The following DCDC2 variants were observed in gnomAD, a reference collection of about 807,000 sequenced individuals.
DCDC2 encodes the protein doublecortin domain-containing protein 2.
Under a neutral mutation model 50.2 loss-of-function variants are expected in DCDC2, and 40 were observed. The ratio of observed to expected loss-of-function variants is 0.80; its 90% CI spans 0.62 to 1.04. DCDC2 has a LOEUF of 1.04. Ranked by LOEUF, DCDC2 falls within the 50% of genes least tolerant of loss-of-function variation. The pLI, the probability that DCDC2 is intolerant of heterozygous loss-of-function variation, is 0.00. For synonymous variants in DCDC2, 234 were observed against 210.6 expected (o/e 1.11, Z -0.96); for missense variants, 570 against 581.9 (o/e 0.98, Z 0.21).
chr6:24,306,543 T>TAGATAGACAGATAGAC, intron 2 of DCDC2, among the ~76,000 whole-genome samples: 1 of 115,662 alleles, frequency 8.6e-6, no homozygotes, highest in South Asian at 3.2e-4. Flanking sequence ...GATAGATAGA[T>TAGATAGACAGATAGAC]AGACAGACAG....
chr6:24,249,583 T>A (rs1188543864), intron 7 of DCDC2, among the ~76,000 whole-genome samples: 1 of 152,202 alleles, frequency 6.6e-6, no homozygotes, highest in East Asian at 1.9e-4. Context: ...CTCCTTATAC[T>A]CTTATGTGTA....
chr6:24,195,810 C>T (rs1761421798), intron 8 of DCDC2, among the ~76,000 whole-genome samples: 1 of 152,186 alleles, frequency 6.6e-6, no homozygotes, highest in Non-Finnish European at 1.5e-5. Flanking sequence ...ATTCACTATA[C>T]AAACATACCT....
intron 2 of DCDC2, among the ~76,000 whole-genome samples, chr6:24,320,066 A>G (rs2113851086): frequency 6.6e-6 from 1 of 152,342 alleles, no homozygotes; most frequent in African/African-American, 2.4e-5. Flanking sequence ...TCTAACGACA[A>G]AAAGCTGTAC....
intron 7 of DCDC2, among the ~76,000 whole-genome samples, chr6:24,209,306 C>T (rs1350635022): frequency 6.6e-6 from 1 of 152,166 alleles, no homozygotes; most frequent in Non-Finnish European, 1.5e-5. Context: ...CTAATTTAAA[C>T]TTGCACAGTA....
rs575368519 is a variant in DCDC2, at chr6:24,179,049, A to G, written c.1024-417T>C. Among the ~76,000 whole-genome samples the G allele has an allele frequency of 5.9e-5, 9 of 152,248 alleles. No homozygotes were observed. In the East Asian group the frequency reaches 1.5e-3, roughly 26 times the overall value. ...CTGGCCCAGAGGAAGAGGTTTAAAA[A>G]AAAAAAGTCTTTGTGGAAAGATTGT... On this transcript the variant is annotated intron_variant, in intron 8 of 9. Transcript: ENST00000378454.
In DCDC2 at chr6:24,295,789, G is replaced by A. The variant is rs114909195; in HGVS notation, c.558-4711C>T. Among the ~76,000 whole-genome samples, 365 of 152,038 alleles carry A rather than the reference G, an allele frequency of 2.4e-3. 1 individual carries two copies. Among genetic ancestry groups the A allele is most frequent in the African/African-American group, 8.0e-3 (332 of 41,464 alleles). On this transcript the variant is annotated intron_variant, in intron 4 of 9. Transcript: ENST00000378454. ...GGCGGGTAAAAGATCTCTACAATGA[G>A]AACTACAAAACACTGCCTAAAGAAA...
intron 2 of DCDC2, among the ~76,000 whole-genome samples, chr6:24,319,622 G>A (rs1332429546): frequency 6.6e-6 from 1 of 152,138 alleles, no homozygotes; most frequent in East Asian, 1.9e-4. Context: ...ATACAGTAAA[G>A]TGCCAAAGAC....
chr6:24,377,181 G>C, the DCDC2 span, among the ~76,000 whole-genome samples: 1 of 152,192 alleles, frequency 6.6e-6, no homozygotes. Context: ...ACAGTCCGCT[G>C]GGAACAAAAC....
At chr6:24,324,674 A>G (rs1581653076) in intron 2 of DCDC2, among the ~76,000 whole-genome samples, 1 of 152,280 alleles carries the variant, frequency 6.6e-6, no homozygotes, top group East Asian at 1.9e-4. Flanking sequence ...GCTTGAGGAT[A>G]GGAATTCAAA....
At chr6:24,185,712 CACACACACACACACAT>C (rs1049063218) in intron 8 of DCDC2, among the ~76,000 whole-genome samples, 1 of 147,058 alleles carries the variant, frequency 6.8e-6, no homozygotes, top group Non-Finnish European at 1.5e-5. Context: ...CACACACACA[CACACACACACACACAT>C]ATACACACAG....
chr6:24,232,111 A>G (rs1581601010), intron 7 of DCDC2, among the ~76,000 whole-genome samples: 1 of 152,190 alleles, frequency 6.6e-6, no homozygotes, highest in Non-Finnish European at 1.5e-5. Flanking sequence ...TTAATCGAAT[A>G]TAACAGATAT....
At chr6:24,315,674 GA>G (rs1269164963) in intron 2 of DCDC2, among the ~76,000 whole-genome samples, 1 of 152,188 alleles carries the variant, frequency 6.6e-6, no homozygotes, top group African/African-American at 2.4e-5. Context: ...GAGCAGAAAG[GA>G]GGCTGGAGTA....
At chr6:24,366,551 C>T in the DCDC2 span, among the ~76,000 whole-genome samples, 1 of 152,172 alleles carries the variant, frequency 6.6e-6, no homozygotes, top group Non-Finnish European at 1.5e-5. Context: ...TCATGGTAAA[C>T]ATTAAGTGTT....
chr6:24,245,435 T>C (rs904821126), intron 7 of DCDC2, among the ~76,000 whole-genome samples: 1 of 152,150 alleles, frequency 6.6e-6, no homozygotes, highest in Admixed American at 6.5e-5. Flanking sequence ...TCTGGAGTCT[T>C]TGAGAAATCA....
intron 7 of DCDC2, among the ~76,000 whole-genome samples, chr6:24,213,750 G>C (rs1396706404): frequency 2.0e-5 from 3 of 152,224 alleles, no homozygotes; most frequent in African/African-American, 7.2e-5. Flanking sequence ...ATGAGGTAGA[G>C]AGGAAGGGCA....
intron 7 of DCDC2, among the ~76,000 whole-genome samples, chr6:24,216,295 C>A (rs1761973524): frequency 6.7e-6 from 1 of 149,482 alleles, no homozygotes; most frequent in African/African-American, 2.5e-5. Flanking sequence ...GAGAAACTCA[C>A]AAAGATCGAA....
At chr6:24,336,052 C>A (rs1468618301) in intron 2 of DCDC2, among the ~76,000 whole-genome samples, 15 of 152,132 alleles carry the variant, frequency 9.9e-5, no homozygotes, top group African/African-American at 3.6e-4. Flanking sequence ...GCAACCAAAT[C>A]CAGGTTCTAG....
chr6:24,194,126 T>C (rs891600610), intron 8 of DCDC2, among the ~76,000 whole-genome samples: 20 of 152,190 alleles, frequency 1.3e-4, no homozygotes, highest in Admixed American at 1.1e-3. Context: ...CCATGAGAAA[T>C]AGCTAAACTA....
chr6:24,202,782 CAA>C (rs1482704008), intron 8 of DCDC2, among the ~76,000 whole-genome samples: 1 of 152,168 alleles, frequency 6.6e-6, no homozygotes, highest in Non-Finnish European at 1.5e-5. Context: ...GTAACTTCAG[CAA>C]AGTCTCAGGA....
Sources: gnomAD v4.1 joint callset for allele counts (sites outside exome capture counted in the v4.1 genomes callset) on GRCh38, gnomAD v4.1.1 for gene constraint, MANE v1.5 for transcripts, NCBI Gene and HGNC (gene_info 2026-07-23, HGNC 2026-07-21) for gene names.